Variants in RAB2A observed in about 807,000 individuals in gnomAD.
RAB2A encodes ras-related protein Rab-2A.
In RAB2A, 7 loss-of-function variants were observed where a neutral mutation model predicts 32.5. That is an observed-to-expected ratio of 0.22 (90% CI 0.12 to 0.40). RAB2A has a LOEUF of 0.40. RAB2A is among the 10% of genes least tolerant of loss of function. RAB2A has a pLI of 1.00. For missense variants in RAB2A, 108 were observed against 260.7 expected (o/e 0.41, Z 4.03); for synonymous variants, 79 against 85.2 (o/e 0.93, Z 0.40).
chr8:60,535,889 T>C (rs1483437661), intron 1 of RAB2A, among the ~76,000 whole-genome samples: 4 of 152,206 alleles, frequency 2.6e-5, no homozygotes, highest in Non-Finnish European at 5.9e-5. Flanking sequence ...TAGGAGTATC[T>C]GATTGGCTCA....
At chr8:60,583,000 C>T (rs763035625) in intron 3 of RAB2A, among the ~76,000 whole-genome samples, 1 of 147,652 alleles carries the variant, frequency 6.8e-6, no homozygotes, top group Non-Finnish European at 1.5e-5. Context: ...TGCTATATGC[C>T]GGACCCAGTG....
intron 1 of RAB2A, among the ~76,000 whole-genome samples, chr8:60,548,518 A>ACC (rs1252137917): frequency 1.4e-5 from 1 of 70,224 alleles, no homozygotes; most frequent in Non-Finnish European, 2.5e-5. Flanking sequence ...CGGGGGGCTG[A>ACC]CCCCCCCACC....
chr8:60,553,880 G>T (rs1288158238), intron 1 of RAB2A, among the ~76,000 whole-genome samples: 1 of 152,230 alleles, frequency 6.6e-6, no homozygotes, highest in South Asian at 2.1e-4. Context: ...TACCAAAGAG[G>T]GTATATGAAG....
rs551636855 is a variant in RAB2A, at chr8:60,617,608, T to C, written c.475-972T>C. Among the ~76,000 whole-genome samples, 84 of 152,278 alleles carry C rather than the reference T, an allele frequency of 5.5e-4. 1 individual carries two copies. The South Asian group carries it at 0.017, about 30-fold the overall frequency. ...AACTATACAATTCGTTAGCTGGGTG[T>C]GGCAGCACACACCTGTAGTCCCAGC... On this transcript the variant is annotated intron_variant, in intron 6 of 7. Transcript: ENST00000262646.
At chr8:60,544,534 A>AT (rs989815863) in intron 1 of RAB2A, among the ~76,000 whole-genome samples, 3 of 120,234 alleles carry the variant, frequency 2.5e-5, no homozygotes, top group South Asian at 2.8e-4. Context: ...TAGGAATGCT[A>AT]TTTTTTTTCC....
intron 3 of RAB2A, among the ~76,000 whole-genome samples, chr8:60,579,701 C>T (rs1803707185): frequency 6.6e-6 from 1 of 151,844 alleles, no homozygotes; most frequent in South Asian, 2.1e-4. Flanking sequence ...AGTCTTGGCT[C>T]ACTGCAAGCT....
intron 1 of RAB2A, among the ~76,000 whole-genome samples, chr8:60,540,024 C>T (rs1477463294): frequency 1.3e-5 from 2 of 151,560 alleles, no homozygotes; most frequent in African/African-American, 4.9e-5. Context: ...AGTTTGAACT[C>T]TATTTTGTAG....
intron 2 of RAB2A, among the ~76,000 whole-genome samples, chr8:60,563,014 T>A (rs1191153124): frequency 2.0e-5 from 3 of 149,980 alleles, no homozygotes; most frequent in Non-Finnish European, 3.0e-5. Context: ...CTTTCAGAGA[T>A]AAAAAAAAAA....
chr8:60,593,311 G>A (rs991403892), intron 6 of RAB2A, among the ~76,000 whole-genome samples: 1 of 152,166 alleles, frequency 6.6e-6, no homozygotes, highest in African/African-American at 2.4e-5. Context: ...TGGTGCCAGA[G>A]GAATGACACA....
At chr8:60,549,125 G>A (rs1049169794) in intron 1 of RAB2A, among the ~76,000 whole-genome samples, 7 of 150,140 alleles carry the variant, frequency 4.7e-5, no homozygotes, top group African/African-American at 1.2e-4. Context: ...ATGGGATGGC[G>A]GCCGGGCAGA....
chr8:60,606,726 G>A (rs1251325085), intron 6 of RAB2A, among the ~76,000 whole-genome samples: 5 of 152,140 alleles, frequency 3.3e-5, no homozygotes, highest in African/African-American at 1.2e-4. Context: ...AGTAAAAGTC[G>A]ACAAATTTTT....
intron 6 of RAB2A, among the ~76,000 whole-genome samples, chr8:60,602,397 A>G (rs776337370): frequency 2.0e-5 from 3 of 152,232 alleles, no homozygotes; most frequent in South Asian, 2.1e-4. Context: ...CTTAACAGCA[A>G]TTCCTTAATA....
chr8:60,579,170 A>G (rs1221892899), intron 3 of RAB2A, among the ~76,000 whole-genome samples: 1 of 151,846 alleles, frequency 6.6e-6, no homozygotes, highest in African/African-American at 2.4e-5. Flanking sequence ...AGCCTCCAGA[A>G]TACCTGGGAT....
chr8:60,574,696 A>G (rs1808244400), intron 3 of RAB2A, among the ~76,000 whole-genome samples: 1 of 152,222 alleles, frequency 6.6e-6, no homozygotes, highest in Non-Finnish European at 1.5e-5. Flanking sequence ...TCATTTTGAT[A>G]GAAGCCTGGT....
intron 1 of RAB2A, among the ~76,000 whole-genome samples, chr8:60,520,621 G>A (rs552564184): frequency 6.6e-6 from 1 of 152,148 alleles, no homozygotes; most frequent in South Asian, 2.1e-4. Context: ...TTTGTCACCT[G>A]GCCAACTCCT....
intron 1 of RAB2A, among the ~76,000 whole-genome samples, chr8:60,538,188 A>C (rs533192326): frequency 6.6e-6 from 1 of 152,340 alleles, no homozygotes; most frequent in East Asian, 1.9e-4. Context: ...CCAACTTTTT[A>C]AGATTTAAAT....
chr8:60,544,872 C>T (rs1479900057), intron 1 of RAB2A, among the ~76,000 whole-genome samples: 2 of 151,936 alleles, frequency 1.3e-5, no homozygotes, highest in Non-Finnish European at 2.9e-5. Context: ...TCATGTTTCA[C>T]GGTTTTTCAG....
intron 1 of RAB2A, among the ~76,000 whole-genome samples, chr8:60,529,531 T>A (rs1807444850): frequency 6.6e-6 from 1 of 152,206 alleles, no homozygotes. Context: ...TGTCATTAGG[T>A]TTCCCTTCAT....
chr8:60,569,211 A>G (rs929194951), intron 2 of RAB2A, among the ~76,000 whole-genome samples: 1 of 152,094 alleles, frequency 6.6e-6, no homozygotes, highest in African/African-American at 2.4e-5. Context: ...TGAGATGTGT[A>G]TTTTTTTCCC....
Sources: gnomAD v4.1 joint callset for allele counts (sites outside exome capture counted in the v4.1 genomes callset) on GRCh38, gnomAD v4.1.1 for gene constraint, MANE v1.5 for transcripts, NCBI Gene and HGNC (gene_info 2026-07-23, HGNC 2026-07-21) for gene names.